The following HMG20A variants were observed in gnomAD, a reference collection of about 807,000 sequenced individuals.
HMG20A encodes high mobility group 20A, also known as high mobility group protein 20A.
Under a neutral mutation model 43.9 loss-of-function variants are expected in HMG20A, and 17 were observed. The ratio of observed to expected loss-of-function variants is 0.39; its 90% CI spans 0.27 to 0.58. HMG20A has a LOEUF of 0.58. HMG20A is among the 20% of genes least tolerant of loss of function. The probability of loss-of-function intolerance (pLI) is 0.59; values close to 1 mark genes in which losing one functional copy is unlikely to be tolerated. For synonymous variants in HMG20A, 132 were observed against 147.5 expected, an observed-to-expected ratio of 0.89 and a Z score of 0.76; for missense variants, 341 against 438.2, an observed-to-expected ratio of 0.78 and a Z score of 1.98.
At chr15:77,468,465 A>G (rs1394508198) in intron 4 of HMG20A, among the ~76,000 whole-genome samples, 1 of 152,174 alleles carries the variant, frequency 6.6e-6, no homozygotes, top group Non-Finnish European at 1.5e-5. Context: ...GAACATCCCA[A>G]CACTCTTTAC....
chr15:77,434,429 A>G (rs1175267603), intron 1 of HMG20A, among the ~76,000 whole-genome samples: 1 of 152,046 alleles, frequency 6.6e-6, no homozygotes, highest in Non-Finnish European at 1.5e-5. Context: ...CTTATCTTCA[A>G]AAGACATTAT....
intron 1 of HMG20A, among the ~76,000 whole-genome samples, chr15:77,423,368 C>T (rs2073391200): frequency 6.6e-6 from 1 of 152,060 alleles, no homozygotes; most frequent in Non-Finnish European, 1.5e-5. Flanking sequence ...GGCTTGCTGT[C>T]CTCCAAAGGT....
At chr15:77,467,388 G>A (rs1327863770) in intron 4 of HMG20A, 81 bp downstream of exon 4, 10 of 1,209,582 alleles carry the variant, frequency 8.3e-6, no homozygotes, top group Middle Eastern at 2.1e-4. Flanking sequence ...CAAAGAGGAT[G>A]GACAGTTGAT....
the HMG20A span, among the ~76,000 whole-genome samples, chr15:77,503,202 C>G: frequency 1.3e-5 from 2 of 152,194 alleles, no homozygotes; most frequent in Non-Finnish European, 2.9e-5. Context: ...CTTTACACAA[C>G]TGCTAGAGCT....
chr15:77,518,782 GA>G, the HMG20A span, among the ~76,000 whole-genome samples: 1 of 152,312 alleles, frequency 6.6e-6, no homozygotes, highest in East Asian at 1.9e-4. Flanking sequence ...CTGAAGGAGG[GA>G]AAGCTGGGAG....
chr15:77,456,684 T>C (rs1255843566), intron 1 of HMG20A, among the ~76,000 whole-genome samples: 1 of 149,126 alleles, frequency 6.7e-6, no homozygotes, highest in Admixed American at 6.7e-5. Flanking sequence ...CTAAGGTATA[T>C]ACCTGGCCAT....
intron 1 of HMG20A, among the ~76,000 whole-genome samples, chr15:77,453,063 A>G (rs2072618963): frequency 6.6e-6 from 1 of 152,170 alleles, no homozygotes. Context: ...CCCTGTCTCT[A>G]CTAAAAATAC....
chr15:77,516,018 G>C, the HMG20A span, among the ~76,000 whole-genome samples: 1 of 152,172 alleles, frequency 6.6e-6, no homozygotes. Context: ...GGGCCACCCA[G>C]GGAGGCATCA....
At chr15:77,478,267 A>C in intron 7 of HMG20A, 28 bp from the exon 8 acceptor site, 1 of 1,608,996 alleles carries the variant, frequency 6.2e-7, no homozygotes, top group Non-Finnish European at 8.5e-7. Flanking sequence ...CTAGTGCTGC[A>C]TGTGTTCTGT....
At chr15:77,470,763 CTT>C in intron 4 of HMG20A, 145 bp from the exon 5 acceptor site, 1 of 601,632 alleles carries the variant, frequency 1.7e-6, no homozygotes, top group Non-Finnish European at 2.6e-6. Flanking sequence ...TCATACAACT[CTT>C]GTTTTTCTGA....
At chr15:77,434,531 A>G (rs2073524803) in intron 1 of HMG20A, among the ~76,000 whole-genome samples, 1 of 152,184 alleles carries the variant, frequency 6.6e-6, no homozygotes, top group South Asian at 2.1e-4. Context: ...GATAAATAGG[A>G]AAAAACAAAT....
the HMG20A span, among the ~76,000 whole-genome samples, chr15:77,519,232 G>A: frequency 6.6e-6 from 1 of 151,956 alleles, no homozygotes; most frequent in Non-Finnish European, 1.5e-5. Flanking sequence ...GGAGACGACT[G>A]GCATGTGGGC....
downstream of HMG20A, among the ~76,000 whole-genome samples, chr15:77,488,091 T>A (rs2072954980): frequency 6.6e-6 from 1 of 152,226 alleles, no homozygotes; most frequent in East Asian, 1.9e-4. Flanking sequence ...GGAAATTAAG[T>A]GCATGGCCAA....
the HMG20A span, among the ~76,000 whole-genome samples, chr15:77,497,682 A>AGTGT: frequency 1.0e-4 from 12 of 119,086 alleles, no homozygotes; most frequent in African/African-American, 3.5e-4. Flanking sequence ...AGAGAGAGAG[A>AGTGT]GTGTGTGTGT....
chr15:77,433,887 C>G (rs754456561), intron 1 of HMG20A, among the ~76,000 whole-genome samples: 4 of 152,148 alleles, frequency 2.6e-5, no homozygotes, highest in Non-Finnish European at 4.4e-5. Flanking sequence ...GAAGGAGGGA[C>G]TTACAAGTTG....
downstream of HMG20A, among the ~76,000 whole-genome samples, chr15:77,489,473 G>A (rs1165287904): frequency 2.0e-5 from 3 of 152,082 alleles, no homozygotes; most frequent in Admixed American, 2.0e-4. Flanking sequence ...TGGTATGGTG[G>A]GTCTGAGAAC....
rs1257540520 is a variant in HMG20A, at chr15:77,458,216, C to G, written c.-4-188C>G. 2.2e-5 allele frequency: 10 copies of G among 464,584 alleles called. No individual in the cohort carries two copies. The East Asian group carries it at 3.1e-4, about 14-fold the overall frequency. The allele number at this position is 464,584 out of a possible 1,614,324, so 28.8% of individuals were successfully genotyped here. On this transcript the variant is annotated intron_variant, in intron 1 of 9. Coordinates refer to ENST00000336216, the MANE Select transcript of HMG20A (RefSeq NM_001304504.2). ...TTTCAGTCTGGTCAGTTGATAAGAC[C>G]AAGGTTAAAAGGCCCATTTACCATA...
Position 77,461,637 on chromosome 15 carries a change from C to T in HMG20A, c.90-2603C>T, listed in dbSNP as rs191150233. 5.3e-5 allele frequency among the ~76,000 whole-genome samples: 8 copies of T among 152,258 alleles called. No homozygotes were observed. In the East Asian group the frequency reaches 1.5e-3, roughly 29 times the overall value. ...CTTGTCATCAAGAAGGCATGTGATG[C>T]CTTTGGCCATTCCTGTCCACTTAAG... On this transcript the variant is annotated intron_variant, in intron 2 of 9. Coordinates refer to ENST00000336216, the MANE Select transcript of HMG20A (RefSeq NM_001304504.2).
rs1393260864 is a variant in HMG20A at position 77,447,024 on chromosome 15, C to T, written c.-4-11380C>T. ...CCCCATCCCAGCTTATATGGACCCA[C>T]CTTTTTACCGTTTCATAGTACACCC... On this transcript the variant is annotated intron_variant, in intron 1 of 9. Transcript: ENST00000336216. Among the ~76,000 whole-genome samples, 7 of 152,126 alleles carry T rather than the reference C, an allele frequency of 4.6e-5. 1 individual carries two copies. The highest frequency in any genetic ancestry group is 1.5e-5 in the Non-Finnish European group (1 of 68,026).
Sources: allele counts gnomAD v4.1 joint callset (sites outside exome capture counted in the v4.1 genomes callset), GRCh38; gene constraint gnomAD v4.1.1; transcripts MANE v1.5; gene names NCBI Gene and HGNC (gene_info 2026-07-23, HGNC 2026-07-21).